PLCXD3: variants seen among roughly 807,000 people sequenced by gnomAD.
PLCXD3 encodes the protein phosphatidylinositol specific phospholipase C X domain containing 3, also known as PI-PLC X domain-containing protein 3.
PLCXD3 carries 19 observed loss-of-function variants against 25.5 expected under a neutral mutation model. The ratio of observed to expected loss-of-function variants is 0.75; its 90% CI spans 0.52 to 1.09. PLCXD3 has a LOEUF of 1.09. Ranked by LOEUF, PLCXD3 falls within the 50% of genes least tolerant of loss-of-function variation. PLCXD3 has a pLI of 0.00. For missense variants in PLCXD3, 411 were observed against 388.1 expected (o/e 1.06, Z -0.50); for synonymous variants, 174 against 137.6 (o/e 1.26, Z -1.85).
intron 1 of PLCXD3, among the ~76,000 whole-genome samples, chr5:41,406,823 GATATATAATTATTTT>G (rs1746365917): frequency 6.6e-6 from 1 of 152,148 alleles, no homozygotes; most frequent in Admixed American, 6.5e-5. Context: ...TTAGGTAAAA[GATATATAATTATTTT>G]CCAGCCCAAT....
At chr5:41,406,567 G>A (rs140741502) in intron 1 of PLCXD3, among the ~76,000 whole-genome samples, 4 of 152,214 alleles carry the variant, frequency 2.6e-5, no homozygotes, top group Admixed American at 1.3e-4. Context: ...CAGTCTTGAA[G>A]TTGTACTGTG....
At chr5:41,435,847 G>A (rs556533170) in intron 1 of PLCXD3, among the ~76,000 whole-genome samples, 9 of 152,276 alleles carry the variant, frequency 5.9e-5, no homozygotes, top group East Asian at 5.8e-4. Context: ...TCCTTCTCCC[G>A]TAAAGAAACA....
intron 2 of PLCXD3, among the ~76,000 whole-genome samples, chr5:41,342,433 A>T (rs1561238610): frequency 6.6e-6 from 1 of 151,978 alleles, no homozygotes; most frequent in Admixed American, 6.6e-5. Flanking sequence ...GATTTTATTG[A>T]CTCTGTTTCC....
intron 1 of PLCXD3, among the ~76,000 whole-genome samples, chr5:41,473,610 G>A (rs11740772): frequency 0.052 from 7,842 of 151,884 alleles, 259 homozygotes; most frequent in African/African-American, 0.056. Flanking sequence ...TCACCACCAC[G>A]CCCCGCTAAT....
At chr5:41,459,077 A>G (rs908228629) in intron 1 of PLCXD3, among the ~76,000 whole-genome samples, 2 of 151,798 alleles carry the variant, frequency 1.3e-5, no homozygotes, top group African/African-American at 4.8e-5. Flanking sequence ...TTTTCCTTCA[A>G]TGCCAAGTAC....
intron 2 of PLCXD3, among the ~76,000 whole-genome samples, chr5:41,315,021 A>G (rs1439622194): frequency 6.6e-6 from 1 of 152,188 alleles, no homozygotes; most frequent in Non-Finnish European, 1.5e-5. Flanking sequence ...TGGTAGATGG[A>G]GGATGATGCA....
At chr5:41,486,133 T>A (rs542825650) in intron 1 of PLCXD3, among the ~76,000 whole-genome samples, 1 of 152,172 alleles carries the variant, frequency 6.6e-6, no homozygotes, top group South Asian at 2.1e-4. Flanking sequence ...GAGAGAAAAG[T>A]CTGGTGATAC....
intron 1 of PLCXD3, among the ~76,000 whole-genome samples, chr5:41,394,548 T>C (rs1360007025): frequency 1.3e-5 from 2 of 152,116 alleles, no homozygotes; most frequent in African/African-American, 2.4e-5. Flanking sequence ...ACAAGATCTG[T>C]TGATCTGTTG....
chr5:41,382,262 CA>C lies in PLCXD3; in HGVS notation c.375del (p.Glu126ArgfsTer14). On this transcript the variant is annotated frameshift_variant, in exon 2 of 3. Transcript: ENST00000377801. LOFTEE classifies it high-confidence loss of function. Reference sequence around the variant, plus strand: ...TCTGTGAGGAATGCATTGATCTCCTCAAGGCCTTCATTGACTTTGGCACTGA... The same window carrying C: ...TCTGTGAGGAATGCATTGATCTCCTCAGGCCTTCATTGACTTTGGCACTGA... The part of the protein sequence containing the change: ...GLFSAKVNEG[L>X]EEINAFLTDH... 1 of 1,613,734 alleles carries C rather than the reference CA, an allele frequency of 6.2e-7. No individual in the cohort carries two copies. The highest frequency in any genetic ancestry group is 8.5e-7 in the Non-Finnish European group (1 of 1,179,764).
At chr5:41,408,782 G>A (rs1484887531) in intron 1 of PLCXD3, among the ~76,000 whole-genome samples, 1 of 152,140 alleles carries the variant, frequency 6.6e-6, no homozygotes, top group African/African-American at 2.4e-5. Context: ...AGGCCACCAA[G>A]CTGCATTTTC....
At chr5:41,441,397 T>C (rs943542849) in intron 1 of PLCXD3, among the ~76,000 whole-genome samples, 10 of 152,324 alleles carry the variant, frequency 6.6e-5, no homozygotes, top group South Asian at 2.1e-4. Context: ...AAGAAATGCA[T>C]TGGGAATACG....
intron 1 of PLCXD3, among the ~76,000 whole-genome samples, chr5:41,443,259 C>T (rs1310480764): frequency 6.6e-6 from 1 of 151,874 alleles, no homozygotes; most frequent in Non-Finnish European, 1.5e-5. Context: ...CAAAGACTTA[C>T]CATTGTGTTA....
At chr5:41,470,985 G>T (rs1454076157) in intron 1 of PLCXD3, among the ~76,000 whole-genome samples, 1 of 152,150 alleles carries the variant, frequency 6.6e-6, no homozygotes, top group South Asian at 2.1e-4. Flanking sequence ...TGCAACTGGG[G>T]AAAAGAGACC....
Position 41,312,636 on chromosome 5 carries a change from G to A in PLCXD3, c.*981C>T, listed in dbSNP as rs896948540. ...CTTCCTTCCTCCCGTCCTTCCTTCTGTCCTTCCCTCCCTTCTTCCCTCCCT... is the reference window on the plus strand; with the variant it reads ...CTTCCTTCCTCCCGTCCTTCCTTCTATCCTTCCCTCCCTTCTTCCCTCCCT... On this transcript the variant is annotated 3_prime_UTR_variant, in exon 3 of 3. Transcript: ENST00000377801. 5 of 102,458 alleles carry A rather than the reference G, an allele frequency of 4.9e-5. No individual in the cohort carries two copies. In the Admixed American group the frequency reaches 5.8e-4, roughly 12 times the overall value. 6.3% of individuals were successfully genotyped at this position (102,458 alleles called of 1,614,324 possible).
chr5:41,481,070 G>C (rs114956966), intron 1 of PLCXD3, among the ~76,000 whole-genome samples: 1,726 of 125,002 alleles, frequency 0.014, 42 homozygotes, highest in African/African-American at 0.049. Flanking sequence ...TCAATGGAGA[G>C]AGTCCTGAAG....
At chr5:41,387,495 GT>G (rs1187344012) in intron 1 of PLCXD3, among the ~76,000 whole-genome samples, 1 of 152,074 alleles carries the variant, frequency 6.6e-6, no homozygotes, top group Non-Finnish European at 1.5e-5. Context: ...GAGTATTACA[GT>G]ATAGTTGAGA....
intron 2 of PLCXD3, among the ~76,000 whole-genome samples, chr5:41,378,623 A>C (rs1222290908): frequency 6.6e-6 from 1 of 152,140 alleles, no homozygotes; most frequent in Non-Finnish European, 1.5e-5. Context: ...TGCTGTTAAT[A>C]AGTGTTATCT....
chr5:41,481,102 TAAAAAAAAA>T (rs554092157), intron 1 of PLCXD3, among the ~76,000 whole-genome samples: 3 of 72,908 alleles, frequency 4.1e-5, no homozygotes, highest in Non-Finnish European at 5.2e-5. Context: ...ACCTAATTTG[TAAAAAAAAA>T]AAAAAAAAAA....
rs569273897 is a variant in PLCXD3, at chr5:41,482,395, A to C, written c.103+28029T>G. Among the ~76,000 whole-genome samples, 201 of 152,294 alleles carry C rather than the reference A, an allele frequency of 1.3e-3. 1 individual carries two copies. The highest frequency in any genetic ancestry group is 4.1e-3 in the Admixed American group (62 of 15,296). ...ACGTGTCTGGGCCACGTGACTCGTA[A>C]CGTACTTACAAATCTAGGAAGAGAG... On this transcript the variant is annotated intron_variant, in intron 1 of 2. Transcript: ENST00000377801.
Sources: gnomAD v4.1 joint callset for allele counts (sites outside exome capture counted in the v4.1 genomes callset) on GRCh38, gnomAD v4.1.1 for gene constraint, MANE v1.5 for transcripts, NCBI Gene and HGNC (gene_info 2026-07-23, HGNC 2026-07-21) for gene names.